Variants in GRK1 observed in about 807,000 individuals in gnomAD.
The protein encoded by GRK1 is rhodopsin kinase GRK1.
A neutral mutation model predicts 41.7 loss-of-function variants in GRK1; 28 were observed. The ratio of observed to expected loss-of-function variants is 0.67; its 90% CI spans 0.50 to 0.92. The LOEUF (loss-of-function observed/expected upper bound fraction) is 0.92, where lower values mean the gene tolerates loss of function less well. Among genes scored for constraint, GRK1 ranks in the 40% least tolerant of loss-of-function variants. The pLI, the probability that GRK1 is intolerant of heterozygous loss-of-function variation, is 0.00. For synonymous variants in GRK1, 327 were observed against 286.7 expected (o/e 1.14, Z -1.42); for missense variants, 703 against 671.2 (o/e 1.05, Z -0.52).
In GRK1 at chr13:113,735,378, TC is replaced by T; in HGVS notation, c.*17del. On this transcript the variant is annotated 3_prime_UTR_variant, in exon 7 of 7. Transcript: ENST00000335678. ...TGGTTTCCTAGGTGACGCCCCAGAGTCCACGTGGAGGAAAAGGACCCATACG... is the reference window on the plus strand; with the variant it reads ...TGGTTTCCTAGGTGACGCCCCAGAGTCACGTGGAGGAAAAGGACCCATACG... 6.8e-7 allele frequency: 1 copy of T among 1,472,598 alleles called. No individual in the cohort carries two copies. The highest frequency in any genetic ancestry group is 9.0e-7 in the Non-Finnish European group (1 of 1,113,410). 91.2% of individuals were successfully genotyped at this position (1,472,598 alleles called of 1,614,324 possible).
chr13:113,727,630 G>A (rs1415948055), intron 4 of GRK1, among the ~76,000 whole-genome samples: 1 of 142,378 alleles, frequency 7.0e-6, no homozygotes, highest in Non-Finnish European at 1.5e-5. Context: ...GAGGACCCAT[G>A]GCGATGAGGA....
At chr13:113,666,296 G>T (rs2140714164), upstream of GRK1, among the ~76,000 whole-genome samples, 1 of 148,524 alleles carries the variant, frequency 6.7e-6, no homozygotes, top group South Asian at 2.2e-4. Flanking sequence ...TGTGTTCCAG[G>T]TGTTCCCCAG....
At chr13:113,727,122 ACT>A (rs1354174336) in intron 4 of GRK1, among the ~76,000 whole-genome samples, 1 of 152,140 alleles carries the variant, frequency 6.6e-6, no homozygotes, top group African/African-American at 2.4e-5. Context: ...AGTTGACATA[ACT>A]CACACAGGCC....
At chr13:113,670,883 C>T (rs530721005) in intron 2 of GRK1, among the ~76,000 whole-genome samples, 24 of 151,700 alleles carry the variant, frequency 1.6e-4, no homozygotes, top group African/African-American at 3.2e-4. Flanking sequence ...CTAGGAAGCG[C>T]GGTCACAGGG....
At chr13:113,654,785 G>A in the GRK1 span, 73 of 1,608,226 alleles carry the variant, frequency 4.5e-5, no homozygotes, top group South Asian at 2.0e-4. Flanking sequence ...CCTGTCACAC[G>A]GCATGGGGGC....
At position 113,731,270 on chromosome 13, in the gene GRK1, A is replaced by G. The variant is rs780903200; in HGVS notation, c.1121A>G (p.Asp374Gly). Residue 374 changes from aspartate to glycine, a missense_variant, in exon 5 of 7, where the codon GAC becomes GGC. Transcript: ENST00000335678. This position sits in a 1 kb window ranked among gnomAD's most constrained non-coding sequence, Gnocchi z 5.6. Reference protein sequence around the residue: ...LQGEEYDFSVDYFALGVTLYE... With the variant: ...LQGEEYDFSVGYFALGVTLYE... ...GGCGAGGAGTACGACTTCTCCGTGG[A>G]CTACTTTGCCCTGGGGGTCACCCTG... is the stretch of plus-strand genomic sequence containing the variant. The G allele has an allele frequency of 1.2e-5, 19 of 1,537,028 alleles. No individual in the cohort carries two copies. The highest frequency in any genetic ancestry group is 7.8e-5 in the Admixed American group (4 of 50,996).
chr13:113,650,514 A>G, the GRK1 span: 1 of 1,606,788 alleles, frequency 6.2e-7, no homozygotes, highest in Non-Finnish European at 8.5e-7. This position sits in a 1 kb window ranked among gnomAD's most constrained non-coding sequence, Gnocchi z 5.0. Flanking sequence ...GGTCCTGGGG[A>G]GGAGAGGCCA....
the GRK1 span, among the ~76,000 whole-genome samples, chr13:113,656,786 A>G: frequency 6.6e-6 from 1 of 152,040 alleles, no homozygotes; most frequent in Non-Finnish European, 1.5e-5. Context: ...AGACCATTCC[A>G]GAAGGTTCTC....
chr13:113,733,908 TACAGTGTGC>T (rs2049974745), intron 6 of GRK1, among the ~76,000 whole-genome samples: 1 of 109,416 alleles, frequency 9.1e-6, no homozygotes, highest in African/African-American at 4.2e-5. Flanking sequence ...TATGTGTGCA[TACAGTGTGC>T]GTGTGTGCAT....
chr13:113,659,823 T>C, the GRK1 span, among the ~76,000 whole-genome samples: 20,724 of 152,086 alleles, frequency 0.14, 1,542 homozygotes, highest in Middle Eastern at 0.23. Context: ...GGTCTGGCAG[T>C]AAAGGCCACA....
rs1436657787 is a variant in GRK1 at position 113,730,094 on chromosome 13, A to G, written c.1070-1125A>G. 1.3e-4 allele frequency among the ~76,000 whole-genome samples: 16 copies of G among 123,062 alleles called. No homozygotes were observed. The East Asian group carries it at 3.7e-3, about 28-fold the overall frequency. 80.7% of individuals were successfully genotyped at this position (123,062 alleles called of 152,430 possible). A position where few individuals can be genotyped will look rare whatever the true frequency, so the allele number is the denominator to read the frequency against. On this transcript the variant is annotated intron_variant, in intron 4 of 6. Transcript: ENST00000335678. ...TCCCCCAGTCCCCGTGGCTGAGCCCAGACCCGCCCCTCCATCCCGACGCAG... is the reference window on the plus strand; with the variant it reads ...TCCCCCAGTCCCCGTGGCTGAGCCCGGACCCGCCCCTCCATCCCGACGCAG...
chr13:113,733,901 G>GTA (rs1566700286), intron 6 of GRK1, among the ~76,000 whole-genome samples: 7 of 116,284 alleles, frequency 6.0e-5, no homozygotes, highest in Non-Finnish European at 9.8e-5. Flanking sequence ...GTGTGTGTAT[G>GTA]TGTGCATACA....
At chr13:113,734,584 C>T (rs935493838) in intron 6 of GRK1, 22 of 153,036 alleles carry the variant, frequency 1.4e-4, no homozygotes, top group African/African-American at 5.1e-4. Context: ...TGTGCCTGGC[C>T]ATCGGGGGCC....
At chr13:113,727,693 G>A (rs1177826865) in intron 4 of GRK1, among the ~76,000 whole-genome samples, 2 of 116,678 alleles carry the variant, frequency 1.7e-5, no homozygotes, top group African/African-American at 7.1e-5. Flanking sequence ...TGGCGATGAG[G>A]ACCCATGGCG....
chr13:113,659,368 A>G, the GRK1 span, among the ~76,000 whole-genome samples: 1 of 152,186 alleles, frequency 6.6e-6, no homozygotes, highest in Non-Finnish European at 1.5e-5. Context: ...TGTGTCCAGA[A>G]TTACATGCAG....
the GRK1 span, chr13:113,655,032 G>A: frequency 2.0e-6 from 3 of 1,527,416 alleles, no homozygotes; most frequent in African/African-American, 1.4e-5. Flanking sequence ...GATGTGGCGT[G>A]ACCATCTTCC....
At chr13:113,665,703 G>A (rs980567819), upstream of GRK1, among the ~76,000 whole-genome samples, 1 of 149,776 alleles carries the variant, frequency 6.7e-6, no homozygotes, top group African/African-American at 2.5e-5. Context: ...TGTCTCAGGT[G>A]TGCCCCAGGC....
In GRK1 at chr13:113,734,949, G is replaced by A. The variant is rs146385034; in HGVS notation, c.1397-119G>A. ...CTCAGCCTCCACGACACTTCCCTAA[G>A]GAAGAGCGGCCCCAGGCCTTTGTGC... On this transcript the variant is annotated intron_variant, in intron 6 of 6. Transcript: ENST00000335678. The A allele has an allele frequency of 2.3e-4, 234 of 1,030,878 alleles. 1 individual carries two copies. The African/African-American group carries it at 3.5e-3, about 15-fold the overall frequency. The allele number at this position is 1,030,878 out of a possible 1,614,324, so 63.9% of individuals were successfully genotyped here. A position where few individuals can be genotyped will look rare whatever the true frequency, so the allele number is the denominator to read the frequency against.
chr13:113,726,888 T>C (rs905778236), intron 4 of GRK1, among the ~76,000 whole-genome samples: 1 of 152,178 alleles, frequency 6.6e-6, no homozygotes, highest in African/African-American at 2.4e-5. Context: ...CCTGCAACTC[T>C]TTTGGGGAAA....
Sources: gnomAD v4.1 joint callset for allele counts (sites outside exome capture counted in the v4.1 genomes callset) on GRCh38, gnomAD v4.1.1 for gene constraint, Gnocchi (gnomAD v3.1) non-coding constraint, MANE v1.5 for transcripts, NCBI Gene and HGNC (gene_info 2026-07-23, HGNC 2026-07-21) for gene names.